PDE6A: variants seen among roughly 807,000 people sequenced by gnomAD.
The protein encoded by PDE6A is phosphodiesterase 6A, also known as rod cGMP-specific 3',5'-cyclic phosphodiesterase subunit alpha.
PDE6A carries 84 observed loss-of-function variants against 106.3 expected under a neutral mutation model. The ratio of observed to expected loss-of-function variants is 0.79; its 90% confidence interval spans 0.66 to 0.95. PDE6A has a LOEUF of 0.95. Ranked by LOEUF, PDE6A falls within the 40% of genes least tolerant of loss-of-function variation. The pLI is 0.00. For missense variants in PDE6A, 1,052 were observed against 1,084.9 expected, an observed-to-expected ratio of 0.97 and a Z score of 0.43; for synonymous variants, 394 against 386.6, an observed-to-expected ratio of 1.02 and a Z score of -0.23.
chr5:149,934,052 G>T, intron 2 of PDE6A, 33 bp from the exon 3 acceptor site: 1 of 1,227,638 alleles, frequency 8.1e-7, no homozygotes, highest in South Asian at 1.2e-5. Flanking sequence ...GGAGGCAGGT[G>T]AGAAGAAGAA....
chr5:149,895,494 A>G (rs910659705), intron 12 of PDE6A, among the ~76,000 whole-genome samples: 1 of 112,964 alleles, frequency 8.9e-6, no homozygotes, highest in Non-Finnish European at 1.9e-5. Flanking sequence ...ACTAAATGCT[A>G]AATACTAAGA....
Position 149,858,569 on chromosome 5 carries a change from G to C in PDE6A, c.*2326C>G, listed in dbSNP as rs1760014873. The stretch of plus-strand genomic sequence containing the variant: ...GCAGGAGGATTGCTTGAAGTCAGGA[G>C]TTTGAGGCCAGCCTGGGCAACAGAA... On this transcript the variant is annotated 3_prime_UTR_variant, in exon 22 of 22. Coordinates refer to ENST00000255266, the MANE Select transcript of PDE6A (RefSeq NM_000440.3). 6.6e-6 allele frequency: 1 copy of C among 152,234 alleles called. No individual in the cohort carries two copies. The highest frequency in any genetic ancestry group is 1.5e-5 in the Non-Finnish European group (1 of 68,076). The allele number at this position is 152,234 out of a possible 1,614,324, so 9.4% of individuals were successfully genotyped here. A position where few individuals can be genotyped will look rare whatever the true frequency, so the allele number is the denominator to read the frequency against.
chr5:149,909,742 T>C (rs543703450), intron 6 of PDE6A, among the ~76,000 whole-genome samples: 1 of 152,236 alleles, frequency 6.6e-6, no homozygotes, highest in Non-Finnish European at 1.5e-5. Context: ...ACAGGTTTTT[T>C]ATTTTTTACA....
chr5:149,890,594 G>A (rs1316801095), intron 13 of PDE6A, among the ~76,000 whole-genome samples: 1 of 152,102 alleles, frequency 6.6e-6, no homozygotes, highest in Non-Finnish European at 1.5e-5. Context: ...AAATTTCCTT[G>A]TCAATTGTGT....
Position 149,867,706 on chromosome 5 carries a change from A to G in PDE6A, c.2274+19T>C. ...AGCACACACACCTAACATCAGGCTG[A>G]CATCCCCTGTCTACTCACAATGGGA... is the stretch of plus-strand genomic sequence containing the variant. On this transcript the variant is annotated intron_variant, in intron 19 of 21. Coordinates refer to ENST00000255266, the MANE Select transcript of PDE6A (RefSeq NM_000440.3). The G allele has an allele frequency of 6.2e-7, 1 of 1,609,870 alleles. No homozygotes were observed.
At chr5:149,900,367 ATATATATG>A (rs1338979606) in intron 8 of PDE6A, among the ~76,000 whole-genome samples, 1 of 82,744 alleles carries the variant, frequency 1.2e-5, no homozygotes, top group African/African-American at 6.8e-5. Flanking sequence ...ATCTCGAAAA[ATATATATG>A]TATATATATA....
chr5:149,929,243 A>G (rs13161304), intron 4 of PDE6A, among the ~76,000 whole-genome samples: 1 of 152,232 alleles, frequency 6.6e-6, no homozygotes, highest in East Asian at 1.9e-4. Context: ...GAATAAATAC[A>G]CTGTAGATTG....
At chr5:149,909,017 T>G (rs1162794971) in intron 6 of PDE6A, among the ~76,000 whole-genome samples, 2 of 152,240 alleles carry the variant, frequency 1.3e-5, no homozygotes, top group African/African-American at 4.8e-5. Context: ...GTTTTACTAT[T>G]AATTTTTTTC....
At chr5:149,940,955 T>C (rs1289578316) in intron 1 of PDE6A, among the ~76,000 whole-genome samples, 1 of 152,174 alleles carries the variant, frequency 6.6e-6, no homozygotes, top group Non-Finnish European at 1.5e-5. Context: ...AGATGCTTAA[T>C]CTGAAGTAAC....
At chr5:149,919,871 T>C (rs1026274240) in intron 5 of PDE6A, among the ~76,000 whole-genome samples, 3 of 152,240 alleles carry the variant, frequency 2.0e-5, no homozygotes, top group African/African-American at 7.2e-5. Flanking sequence ...CACACTATTT[T>C]ATTTTTAAAA....
chr5:149,864,094 T>C (rs1760239554), intron 20 of PDE6A, among the ~76,000 whole-genome samples: 1 of 152,172 alleles, frequency 6.6e-6, no homozygotes, highest in Admixed American at 6.5e-5. Flanking sequence ...TGACTCCCTT[T>C]GCTTGTCTCC....
intron 21 of PDE6A, among the ~76,000 whole-genome samples, chr5:149,862,837 T>G (rs1213097433): frequency 1.3e-5 from 2 of 152,226 alleles, no homozygotes; most frequent in Non-Finnish European, 2.9e-5. Context: ...TAGGGACATA[T>G]GTCCACAGCC....
At chr5:149,892,231 A>G (rs1408807872) in intron 13 of PDE6A, among the ~76,000 whole-genome samples, 1 of 152,114 alleles carries the variant, frequency 6.6e-6, no homozygotes, top group Non-Finnish European at 1.5e-5. Context: ...TGGGAGGATC[A>G]CTTGAACCCA....
intron 16 of PDE6A, among the ~76,000 whole-genome samples, chr5:149,884,194 A>AT (rs35514723): frequency 0.18 from 25,629 of 142,806 alleles, 2,675 homozygotes; most frequent in Middle Eastern, 0.29. Flanking sequence ...AAAAGAAAAA[A>AT]AAAAAATATA....
At chr5:149,893,700 G>A (rs1752628265) in intron 13 of PDE6A, among the ~76,000 whole-genome samples, 1 of 152,166 alleles carries the variant, frequency 6.6e-6, no homozygotes, top group South Asian at 2.1e-4. Context: ...CCCTGTTCAG[G>A]AGCTATGCAG....
At chr5:149,943,555 A>G (rs1754375519) in intron 1 of PDE6A, among the ~76,000 whole-genome samples, 1 of 152,236 alleles carries the variant, frequency 6.6e-6, no homozygotes, top group Admixed American at 6.5e-5. Flanking sequence ...TCTTGGGCTC[A>G]AGTGATTCTC....
intron 14 of PDE6A, 32 bp from the exon 15 acceptor site, chr5:149,884,899 G>C (rs765817565): frequency 6.6e-7 from 1 of 1,518,302 alleles, no homozygotes; most frequent in African/African-American, 1.4e-5. Context: ...TCAATATGGA[G>C]TGGACAATAG....
intron 6 of PDE6A, among the ~76,000 whole-genome samples, chr5:149,914,002 G>A (rs1025977087): frequency 6.6e-6 from 1 of 152,232 alleles, no homozygotes; most frequent in Non-Finnish European, 1.5e-5. Flanking sequence ...TGGGGGCTGA[G>A]TCAGTTCCTT....
chr5:149,907,468 T>G (rs1438166334), intron 6 of PDE6A, 90 bp from the exon 7 acceptor site: 2 of 1,014,604 alleles, frequency 2.0e-6, no homozygotes, highest in African/African-American at 1.6e-5. Context: ...CCCCCTGCTC[T>G]CAGGTGGCTC....
Sources: allele counts gnomAD v4.1 joint callset (sites outside exome capture counted in the v4.1 genomes callset), GRCh38; gene constraint gnomAD v4.1.1; transcripts MANE v1.5; gene names NCBI Gene and HGNC (gene_info 2026-07-23, HGNC 2026-07-21).